The following GNA11 variants were observed in gnomAD, a reference collection of about 807,000 sequenced individuals.
The protein encoded by GNA11 is guanine nucleotide-binding protein subunit alpha-11.
Under a neutral mutation model 38.2 loss-of-function variants are expected in GNA11, and 8 were observed. That is an observed-to-expected ratio of 0.21 (90% CI 0.12 to 0.38). The LOEUF (loss-of-function observed/expected upper bound fraction) is 0.38. Among genes scored for constraint, GNA11 ranks in the 10% least tolerant of loss-of-function variants. The probability of loss-of-function intolerance (pLI) is 1.00; values close to 1 mark genes in which losing one functional copy is unlikely to be tolerated. For missense variants in GNA11, 268 were observed against 516.3 expected (o/e 0.52, Z 4.66); for synonymous variants, 211 against 221.4 (o/e 0.95, Z 0.42).
At position 3,120,344 on chromosome 19, in the gene GNA11, T is replaced by TG. The variant is rs1914037645; in HGVS notation, c.890-639dup. Among the ~76,000 whole-genome samples, 1 of 151,550 alleles carries TG rather than the reference T, an allele frequency of 6.6e-6. No individual in the cohort carries two copies. Among genetic ancestry groups the TG allele is most frequent in the African/African-American group, 2.4e-5 (1 of 41,206 alleles). On this transcript the variant is annotated intron_variant, in intron 6 of 6. Transcript: ENST00000078429. The surrounding 1 kb of genome is among the most constrained non-coding windows in gnomAD (Gnocchi z 5.9). The stretch of plus-strand genomic sequence containing the variant: ...GTCCTGTGGGCTCAGAGAGCCCTGG[T>TG]GGGGGGAGGCCAAGGGACTGGGGCA...
chr19:3,104,632 G>A (rs80204973), intron 1 of GNA11, among the ~76,000 whole-genome samples: 3,359 of 152,298 alleles, frequency 0.022, 116 homozygotes, highest in African/African-American at 0.066. Flanking sequence ...ATCCAGCACT[G>A]TGGACCAGGG....
chr19:3,094,845 G>A lies in GNA11; in HGVS notation c.136+58G>A, dbSNP rs1030767956. 4.5e-6 allele frequency: 6 copies of A among 1,326,064 alleles called. No individual in the cohort carries two copies. Among genetic ancestry groups the A allele is most frequent in the Non-Finnish European group, 6.0e-6 (6 of 1,001,974 alleles). The allele number at this position is 1,326,064 out of a possible 1,614,324, so 82.1% of individuals were successfully genotyped here. ...GCCCTGCCCTGCCTGTGCCTGCCCTGCCTGTCCGGGTCGGGCCGGGACCCT... is the reference window on the plus strand; with the variant it reads ...GCCCTGCCCTGCCTGTGCCTGCCCTACCTGTCCGGGTCGGGCCGGGACCCT... On this transcript the variant is annotated intron_variant, in intron 1 of 6. Coordinates refer to ENST00000078429, the MANE Select transcript of GNA11 (RefSeq NM_002067.5). The surrounding 1 kb of genome is among the most constrained non-coding windows in gnomAD (Gnocchi z 6.0).
intron 4 of GNA11, chr19:3,117,128 A>G (rs184547981): frequency 1.3e-5 from 2 of 152,358 alleles, no homozygotes; most frequent in East Asian, 3.9e-4. Flanking sequence ...GCGATGGTGT[A>G]TATTGTTACG....
intron 1 of GNA11, among the ~76,000 whole-genome samples, chr19:3,106,044 A>G (rs937728576): frequency 1.6e-4 from 24 of 152,180 alleles, no homozygotes; most frequent in African/African-American, 5.6e-4. Flanking sequence ...TTTGGAGCCA[A>G]AAGAGCGTTC....
rs748179180 is a variant in GNA11, at chr19:3,115,040, G to A, written c.573G>A (p.Glu191=). ...GCGTGCCCACCACCGGCATCATCGA[G>A]TACCCTTTCGACCTGGAGAACATCA... ...RVRVPTTGII[E]YPFDLENIIF... The change falls in exon 4 of 7, where the codon GAG becomes GAA. Residue 191 remains glutamate (E), a synonymous_variant. Coordinates refer to ENST00000078429, the MANE Select transcript of GNA11 (RefSeq NM_002067.5). The A allele has an allele frequency of 3.1e-6, 5 of 1,613,246 alleles. No homozygotes were observed. The highest frequency in any genetic ancestry group is 4.2e-6 in the Non-Finnish European group (5 of 1,179,904).
At chr19:3,103,493 G>A (rs1913554507) in intron 1 of GNA11, among the ~76,000 whole-genome samples, 1 of 140,274 alleles carries the variant, frequency 7.1e-6, no homozygotes, top group African/African-American at 2.6e-5. Context: ...GATTACAGGC[G>A]TGAGCCACTG....
intron 2 of GNA11, among the ~76,000 whole-genome samples, chr19:3,112,850 G>A (rs530391166): frequency 1.3e-5 from 2 of 152,368 alleles, no homozygotes; most frequent in East Asian, 1.9e-4. Flanking sequence ...CACTGCAGGC[G>A]ATGCCGCTGG....
At chr19:3,101,108 T>C (rs927369803) in intron 1 of GNA11, among the ~76,000 whole-genome samples, 13 of 152,176 alleles carry the variant, frequency 8.5e-5, no homozygotes, top group Non-Finnish European at 1.3e-4. Context: ...TTTTCTCTTC[T>C]GTCAAACTGT....
intron 3 of GNA11, among the ~76,000 whole-genome samples, chr19:3,114,544 C>T (rs111379253): frequency 1.2e-4 from 19 of 152,106 alleles, no homozygotes; most frequent in African/African-American, 4.3e-4. Context: ...CCTAATGATG[C>T]GCTTGTTTGT....
chr19:3,099,077 G>T (rs1053892593), intron 1 of GNA11, among the ~76,000 whole-genome samples: 1 of 152,198 alleles, frequency 6.6e-6, no homozygotes, highest in Non-Finnish European at 1.5e-5. Context: ...ACCACGAGAG[G>T]TTTCACTTTC....
chr19:3,095,757 C>T (rs1270280531), intron 1 of GNA11, among the ~76,000 whole-genome samples: 5 of 152,016 alleles, frequency 3.3e-5, no homozygotes, highest in Non-Finnish European at 7.4e-5. Context: ...CAGCCTCCCC[C>T]GCCCCCTTCC....
intron 1 of GNA11, among the ~76,000 whole-genome samples, chr19:3,096,748 G>A (rs923443409): frequency 6.6e-6 from 1 of 150,946 alleles, no homozygotes; most frequent in Non-Finnish European, 1.5e-5. Flanking sequence ...ACCCCTATCA[G>A]CCTGTAAGAC....
chr19:3,095,320 C>CGG (rs1913336982), intron 1 of GNA11, among the ~76,000 whole-genome samples: 1 of 152,118 alleles, frequency 6.6e-6, no homozygotes, highest in Non-Finnish European at 1.5e-5. Context: ...CTCAAGGGAC[C>CGG]AGTCCCTCCC....
chr19:3,105,363 G>A (rs1463794971), intron 1 of GNA11, among the ~76,000 whole-genome samples: 2 of 150,192 alleles, frequency 1.3e-5, no homozygotes, highest in South Asian at 4.3e-4. Flanking sequence ...TCTGGAGGCT[G>A]GACGTCCAAG....
At chr19:3,116,539 G>A (rs75752652) in intron 4 of GNA11, among the ~76,000 whole-genome samples, 2,996 of 152,322 alleles carry the variant, frequency 0.02, 109 homozygotes, top group African/African-American at 0.068. Flanking sequence ...CGTCCTCCCC[G>A]CCTGCGCCTT....
Position 3,108,948 on chromosome 19 carries a change from G to A in GNA11, c.137-1201G>A, listed in dbSNP as rs555783561. The stretch of plus-strand genomic sequence containing the variant: ...GAAGCTGCTTGAGGGTCCTCACAGC[G>A]TGGCGGCTGCCTACCCCAGAGCCCC... On this transcript the variant is annotated intron_variant, in intron 1 of 6. Coordinates refer to ENST00000078429, the MANE Select transcript of GNA11 (RefSeq NM_002067.5). This position sits in a 1 kb window ranked among gnomAD's most constrained non-coding sequence, Gnocchi z 4.5. Among the ~76,000 whole-genome samples, 5 of 152,200 alleles carry A rather than the reference G, an allele frequency of 3.3e-5. No individual in the cohort carries two copies. The highest frequency in any genetic ancestry group is 2.0e-4 in the Admixed American group (3 of 15,284).
At position 3,123,546 on chromosome 19, in the gene GNA11, G is replaced by A. The variant is rs1250819403; in HGVS notation, c.*2367G>A. ...ACCTTGGTGAATCTCACCTGCCAAC[G>A]ATTTCTCGTGAGTGCCGACCACCTT... is the stretch of plus-strand genomic sequence containing the variant. On this transcript the variant is annotated 3_prime_UTR_variant, in exon 7 of 7. Transcript: ENST00000078429. 8.6e-6 allele frequency: 2 copies of A among 233,106 alleles called. No individual in the cohort carries two copies. Among genetic ancestry groups the A allele is most frequent in the African/African-American group, 2.2e-5 (1 of 45,354 alleles). 14.4% of individuals were successfully genotyped at this position (233,106 alleles called of 1,614,324 possible).
chr19:3,110,102 G>A lies in GNA11; in HGVS notation c.137-47G>A. ...TGGGTAAGAGGGGGCAGCAGCACGAGAGTCAGGCCCCGGCTGCCGCCCGCC... is the reference window on the plus strand; with the variant it reads ...TGGGTAAGAGGGGGCAGCAGCACGAAAGTCAGGCCCCGGCTGCCGCCCGCC... On this transcript the variant is annotated intron_variant, in intron 1 of 6. Transcript: ENST00000078429. The surrounding 1 kb of genome is among the most constrained non-coding windows in gnomAD (Gnocchi z 5.4). 2 of 1,491,128 alleles carry A rather than the reference G, an allele frequency of 1.3e-6. No homozygotes were observed. The highest frequency in any genetic ancestry group is 1.8e-6 in the Non-Finnish European group (2 of 1,095,254). The allele number at this position is 1,491,128 out of a possible 1,614,324, so 92.4% of individuals were successfully genotyped here. A position where few individuals can be genotyped will look rare whatever the true frequency, so the allele number is the denominator to read the frequency against.
intron 4 of GNA11, among the ~76,000 whole-genome samples, chr19:3,116,529 C>T (rs774606740): frequency 5.9e-5 from 9 of 152,352 alleles, no homozygotes; most frequent in East Asian, 1.9e-4. Flanking sequence ...CCTCATGCAG[C>T]GTCCTCCCCG....
Sources: allele counts gnomAD v4.1 joint callset (sites outside exome capture counted in the v4.1 genomes callset), GRCh38; gene constraint gnomAD v4.1.1; non-coding constraint Gnocchi (gnomAD v3.1); transcripts MANE v1.5; gene names NCBI Gene and HGNC (gene_info 2026-07-23, HGNC 2026-07-21).